Variants in TTC21B observed in about 807,000 individuals in gnomAD.
TTC21B encodes the protein tetratricopeptide repeat domain 21B.
TTC21B carries 127 observed loss-of-function variants against 175.1 expected under a neutral mutation model. That is an observed-to-expected ratio of 0.73 (90% CI 0.63 to 0.84). The LOEUF (loss-of-function observed/expected upper bound fraction) is 0.84. Ranked by LOEUF, TTC21B falls within the 40% of genes least tolerant of loss-of-function variation. The pLI, the probability that TTC21B is intolerant of heterozygous loss-of-function variation, is 0.00. For synonymous variants in TTC21B, 524 were observed against 524.5 expected (o/e 1.00, Z 0.01); for missense variants, 1,561 against 1,558.3 (o/e 1.00, Z -0.03).
At chr2:165,924,707 T>C in intron 11 of TTC21B, 29 bp from the exon 12 acceptor site, 1 of 1,603,962 alleles carries the variant, frequency 6.2e-7, no homozygotes, top group Non-Finnish European at 8.5e-7. Flanking sequence ...CAGATCATTT[T>C]ATAAGTGTAA....
intron 1 of TTC21B, among the ~76,000 whole-genome samples, chr2:165,952,951 G>T (rs971533535): frequency 6.6e-6 from 1 of 152,206 alleles, no homozygotes; most frequent in African/African-American, 2.4e-5. Context: ...CTGAATTAGG[G>T]TTTTTCCCCA....
At chr2:165,919,249 T>G in intron 13 of TTC21B, 27 bp downstream of exon 13, 1 of 1,612,512 alleles carries the variant, frequency 6.2e-7, no homozygotes, top group East Asian at 2.2e-5. Context: ...GTGATATGTC[T>G]TATCCACTTC....
intron 6 of TTC21B, among the ~76,000 whole-genome samples, chr2:165,937,748 C>T (rs1687205987): frequency 6.9e-6 from 1 of 145,936 alleles, no homozygotes. Flanking sequence ...CAAATATATA[C>T]ATATTTTTAA....
At chr2:165,886,132 T>C (rs958050420) in intron 25 of TTC21B, among the ~76,000 whole-genome samples, 2 of 152,218 alleles carry the variant, frequency 1.3e-5, no homozygotes, top group East Asian at 1.9e-4. Context: ...CACATTTTCC[T>C]CTTCCTCTGA....
intron 12 of TTC21B, among the ~76,000 whole-genome samples, chr2:165,922,979 T>C (rs2105333894): frequency 6.6e-6 from 1 of 152,216 alleles, no homozygotes; most frequent in South Asian, 2.1e-4. Context: ...AATGAAGTAA[T>C]TGAGGAATGG....
At chr2:165,919,655 C>T (rs914582267) in intron 12 of TTC21B, among the ~76,000 whole-genome samples, 2 of 152,080 alleles carry the variant, frequency 1.3e-5, no homozygotes, top group African/African-American at 2.4e-5. Flanking sequence ...TTGATCCTAA[C>T]GAACAAGCCA....
At chr2:165,926,494 T>C (rs1435912822) in intron 11 of TTC21B, among the ~76,000 whole-genome samples, 2 of 152,096 alleles carry the variant, frequency 1.3e-5, no homozygotes, top group Non-Finnish European at 2.9e-5. Flanking sequence ...CCAGCCACAT[T>C]TGTCTCCTCG....
At chr2:165,939,931 T>A (rs1687300829) in intron 6 of TTC21B, among the ~76,000 whole-genome samples, 1 of 152,248 alleles carries the variant, frequency 6.6e-6, no homozygotes, top group Non-Finnish European at 1.5e-5. Context: ...CTTCTTAACC[T>A]CTTTGTACCT....
intron 11 of TTC21B, chr2:165,928,744 T>TAACAGAGGA (rs1686771717): frequency 1.6e-5 from 3 of 185,478 alleles, no homozygotes; most frequent in African/African-American, 4.8e-5. Context: ...GAGTTTGACT[T>TAACAGAGGA]AACACAGGAA....
chr2:165,900,724 GAAATTATTTT>G (rs1245785917), intron 20 of TTC21B, among the ~76,000 whole-genome samples: 3 of 151,878 alleles, frequency 2.0e-5, no homozygotes, highest in South Asian at 2.1e-4. Context: ...TTGTGATTGA[GAAATTATTTT>G]AAATTATTTT....
Position 165,874,850 on chromosome 2 carries a change from A to G in TTC21B, c.3874-18T>C, listed in dbSNP as rs772685846. ...TCAAGAACCTGCAAAACAAATAAAG[A>G]ACCCATAAAAACTTGTAACTAATAA... is the stretch of plus-strand genomic sequence containing the variant. On this transcript the variant is annotated intron_variant, in intron 28 of 28. Transcript: ENST00000243344. 2 of 1,609,726 alleles carry G rather than the reference A, an allele frequency of 1.2e-6. No homozygotes were observed. The highest frequency in any genetic ancestry group is 1.7e-6 in the Non-Finnish European group (2 of 1,176,442).
intron 22 of TTC21B, among the ~76,000 whole-genome samples, chr2:165,892,659 T>A (rs1196883951): frequency 6.9e-6 from 1 of 143,932 alleles, no homozygotes; most frequent in Non-Finnish European, 1.6e-5. Flanking sequence ...CAGAGGTGCC[T>A]AGAATAAATT....
chr2:165,915,462 A>G (rs1243540058), intron 14 of TTC21B, 23 bp from the exon 15 acceptor site: 2 of 1,564,424 alleles, frequency 1.3e-6, no homozygotes, highest in Non-Finnish European at 8.8e-7. Flanking sequence ...AATTAAAATA[A>G]TCATTCTTCC....
intron 26 of TTC21B, among the ~76,000 whole-genome samples, chr2:165,881,258 A>G (rs997644515): frequency 3.3e-5 from 5 of 152,196 alleles, no homozygotes; most frequent in African/African-American, 1.2e-4. Context: ...GTTAGTGTGC[A>G]TCTGTAAAAG....
intron 11 of TTC21B, among the ~76,000 whole-genome samples, chr2:165,926,465 T>G (rs1686632232): frequency 6.6e-6 from 1 of 152,102 alleles, no homozygotes; most frequent in Non-Finnish European, 1.5e-5. Flanking sequence ...CTGACTACTC[T>G]CCTCCTCCTC....
chr2:165,879,623 T>C (rs577621130), intron 27 of TTC21B: 1 of 152,328 alleles, frequency 6.6e-6, no homozygotes, highest in African/African-American at 2.4e-5. Flanking sequence ...AGCTTAATTA[T>C]ACTTATAAGA....
At chr2:165,929,586 G>A in intron 10 of TTC21B, 64 bp downstream of exon 10, 2 of 1,193,218 alleles carry the variant, frequency 1.7e-6, no homozygotes, top group Non-Finnish European at 2.5e-6. Flanking sequence ...CAATAAGACT[G>A]ATTAATAATT....
intron 19 of TTC21B, among the ~76,000 whole-genome samples, chr2:165,904,407 T>G (rs1685660810): frequency 6.6e-6 from 1 of 152,162 alleles, no homozygotes; most frequent in South Asian, 2.1e-4. Context: ...CAAAAAAATT[T>G]TGGGACTGTC....
At chr2:165,950,176 A>C (rs1485542164) in intron 1 of TTC21B, among the ~76,000 whole-genome samples, 1 of 152,176 alleles carries the variant, frequency 6.6e-6, no homozygotes, top group Non-Finnish European at 1.5e-5. Context: ...ACAGCATTAC[A>C]AAGTAATGAC....
Sources: allele counts gnomAD v4.1 joint callset (sites outside exome capture counted in the v4.1 genomes callset), GRCh38; gene constraint gnomAD v4.1.1; transcripts MANE v1.5; gene names NCBI Gene and HGNC (gene_info 2026-07-23, HGNC 2026-07-21).